Variants in ACP3 observed in about 807,000 individuals in gnomAD.
The protein encoded by ACP3 is prostatic acid phosphatase.
In ACP3, 38 loss-of-function variants were observed where a neutral mutation model predicts 45.6. The ratio of observed to expected loss-of-function variants is 0.83; its 90% CI spans 0.64 to 1.09. The LOEUF (loss-of-function observed/expected upper bound fraction) is 1.09. Ranked by LOEUF, ACP3 falls within the 50% of genes least tolerant of loss-of-function variation. The pLI is 0.00. For missense variants in ACP3, 466 were observed against 463.2 expected (o/e 1.01, Z -0.05); for synonymous variants, 162 against 164.7 (o/e 0.98, Z 0.13).
downstream of ACP3, among the ~76,000 whole-genome samples, chr3:132,361,009 G>A (rs1382480499): frequency 1.3e-5 from 2 of 152,168 alleles, no homozygotes; most frequent in African/African-American, 4.8e-5. Context: ...TTATAAATAA[G>A]AGAGAGAAGC....
chr3:132,340,409 G>T (rs376561877), intron 5 of ACP3, among the ~76,000 whole-genome samples: 1 of 151,196 alleles, frequency 6.6e-6, no homozygotes, highest in African/African-American at 2.4e-5. Context: ...ACTGCTTACC[G>T]TGTTCTTGCC....
intron 4 of ACP3, among the ~76,000 whole-genome samples, chr3:132,337,066 GTGT>G (rs1937504208): frequency 4.5e-5 from 4 of 89,074 alleles, no homozygotes; most frequent in East Asian, 6.1e-4. Context: ...GCGTTGGGGT[GTGT>G]GTGTGTGTGT....
rs1262304706 is a variant in ACP3 at position 132,358,595 on chromosome 3, T to A, written c.*1717T>A. ...AGAGCAAAGCCATCCCCGCTCCTGGTTGGTCACAGAATGACTGACAAAGAC... is the reference window on the plus strand; with the variant it reads ...AGAGCAAAGCCATCCCCGCTCCTGGATGGTCACAGAATGACTGACAAAGAC... On this transcript the variant is annotated 3_prime_UTR_variant, in exon 10 of 10. Coordinates refer to ENST00000336375, the MANE Select transcript of ACP3 (RefSeq NM_001099.5). 9.1e-7 allele frequency: 1 copy of A among 1,103,696 alleles called. No individual in the cohort carries two copies. Among genetic ancestry groups the A allele is most frequent in the East Asian group, 7.6e-5 (1 of 13,164 alleles). The allele number at this position is 1,103,696 out of a possible 1,614,324, so 68.4% of individuals were successfully genotyped here. A position where few individuals can be genotyped will look rare whatever the true frequency, so the allele number is the denominator to read the frequency against.
chr3:132,365,804 T>C (rs549815627), intron 10 of ACP3, among the ~76,000 whole-genome samples: 1 of 152,122 alleles, frequency 6.6e-6, no homozygotes, highest in Non-Finnish European at 1.5e-5. Context: ...CTGGTCAACA[T>C]GGTGAAACCC....
intron 2 of ACP3, among the ~76,000 whole-genome samples, chr3:132,331,016 C>T (rs1238021404): frequency 6.6e-6 from 1 of 152,208 alleles, no homozygotes. Flanking sequence ...TCAGTGATTA[C>T]TGTCCATCAG....
chr3:132,356,363 C>T (rs994668835), intron 9 of ACP3, among the ~76,000 whole-genome samples: 1 of 152,056 alleles, frequency 6.6e-6, no homozygotes, highest in Admixed American at 6.5e-5. Context: ...CCCCCACCTG[C>T]CTCCCACTTC....
chr3:132,347,124 C>CTTAT (rs1937618976), intron 7 of ACP3, among the ~76,000 whole-genome samples: 1 of 152,226 alleles, frequency 6.6e-6, no homozygotes, highest in South Asian at 2.1e-4. Context: ...ACTAGACTGT[C>CTTAT]TATAAGAGTC....
rs2107819235 is a variant in ACP3, at chr3:132,357,051, G to A, written c.*173G>A. The A allele has an allele frequency of 7.4e-7, 1 of 1,351,582 alleles. No homozygotes were observed. Among genetic ancestry groups the A allele is most frequent in the East Asian group, 2.8e-5 (1 of 35,692 alleles). 83.7% of individuals were successfully genotyped at this position (1,351,582 alleles called of 1,614,324 possible). On this transcript the variant is annotated 3_prime_UTR_variant, in exon 10 of 10. Transcript: ENST00000336375. ...AATTCCTACCTCTTCACCTGACCCT[G>A]CCCCCACTTGCCATAAAACTTAGCT...
chr3:132,317,971 A>G (rs1026240147), intron 1 of ACP3, among the ~76,000 whole-genome samples: 4 of 152,238 alleles, frequency 2.6e-5, no homozygotes, highest in Non-Finnish European at 5.9e-5. Flanking sequence ...AAAAACAGTC[A>G]TTTTCTGAAT....
chr3:132,333,255 G>T lies in ACP3; in HGVS notation c.456+911G>T, dbSNP rs926892184. Among the ~76,000 whole-genome samples the T allele has an allele frequency of 1.1e-4, 17 of 152,194 alleles. 1 individual carries two copies. The highest frequency in any genetic ancestry group is 2.9e-5 in the Non-Finnish European group (2 of 68,036). On this transcript the variant is annotated intron_variant, in intron 4 of 9. Coordinates refer to ENST00000336375, the MANE Select transcript of ACP3 (RefSeq NM_001099.5). ...ACTCTCAAACGTGTTTACACAGGTT[G>T]GGACCGACCAAGCTTTCTTTAATCT...
chr3:132,358,411 T>G lies in ACP3; in HGVS notation c.*1533T>G. On this transcript the variant is annotated 3_prime_UTR_variant, in exon 10 of 10. Transcript: ENST00000336375. ...ATATCTTCAGAAAACCTAAGCAAAC[T>G]TACAGGTCCTGCTGAAACTGCCCAC... 7.9e-7 allele frequency: 1 copy of G among 1,262,902 alleles called. No individual in the cohort carries two copies. Among genetic ancestry groups the G allele is most frequent in the Non-Finnish European group, 1.0e-6 (1 of 972,900 alleles). 78.2% of individuals were successfully genotyped at this position (1,262,902 alleles called of 1,614,324 possible).
intron 4 of ACP3, among the ~76,000 whole-genome samples, chr3:132,336,533 C>T (rs749307101): frequency 1.3e-5 from 2 of 152,036 alleles, no homozygotes; most frequent in Non-Finnish European, 2.9e-5. Context: ...GAGAAAATTA[C>T]AAAGAGGGAA....
At chr3:132,350,038 T>G (rs1204014999) in intron 8 of ACP3, 36 bp downstream of exon 8, 3 of 1,411,808 alleles carry the variant, frequency 2.1e-6, no homozygotes, top group Admixed American at 3.4e-5. Flanking sequence ...ATATGTTTGT[T>G]CAAGTGTGTG....
At chr3:132,326,205 A>AC (rs1937296141) in intron 1 of ACP3, among the ~76,000 whole-genome samples, 1 of 150,234 alleles carries the variant, frequency 6.7e-6, no homozygotes, top group Non-Finnish European at 1.5e-5. Context: ...GCACAGGACA[A>AC]CCCCCACAAC....
intron 1 of ACP3, among the ~76,000 whole-genome samples, chr3:132,325,781 T>C (rs910723803): frequency 6.6e-6 from 1 of 152,194 alleles, no homozygotes. Flanking sequence ...AGGCACAGCC[T>C]GTGTTTGAAT....
intron 1 of ACP3, among the ~76,000 whole-genome samples, chr3:132,321,296 T>A (rs185454434): frequency 6.6e-6 from 1 of 150,592 alleles, no homozygotes; most frequent in East Asian, 1.9e-4. Flanking sequence ...CTGGTTAACA[T>A]AGTAAGACCT....
Position 132,356,988 on chromosome 3 carries a change from A to G in ACP3, c.*110A>G. 1 of 1,429,676 alleles carries G rather than the reference A, an allele frequency of 7.0e-7. No homozygotes were observed. Among genetic ancestry groups the G allele is most frequent in the African/African-American group, 1.4e-5 (1 of 69,360 alleles). 88.6% of individuals were successfully genotyped at this position (1,429,676 alleles called of 1,614,324 possible). ...CAGCTTTGAGGAAAATGGGCTTTGG[A>G]TGATTATTTTATGTTTTAGGGACCC... On this transcript the variant is annotated 3_prime_UTR_variant, in exon 10 of 10. Transcript: ENST00000336375.
chr3:132,324,750 C>A (rs1197508750), intron 1 of ACP3, among the ~76,000 whole-genome samples: 1 of 152,180 alleles, frequency 6.6e-6, no homozygotes, highest in Non-Finnish European at 1.5e-5. Context: ...TCAAGTGATT[C>A]TCCTGCCTCA....
At chr3:132,361,394 C>T (rs1470138604), downstream of ACP3, among the ~76,000 whole-genome samples, 1 of 152,210 alleles carries the variant, frequency 6.6e-6, no homozygotes, top group Non-Finnish European at 1.5e-5. Context: ...CCTCACTCCA[C>T]TCCTGCCCTA....
Sources: gnomAD v4.1 joint callset for allele counts (sites outside exome capture counted in the v4.1 genomes callset) on GRCh38, gnomAD v4.1.1 for gene constraint, MANE v1.5 for transcripts, NCBI Gene and HGNC (gene_info 2026-07-23, HGNC 2026-07-21) for gene names.